Variants in RSU1 observed in about 807,000 individuals in gnomAD.
RSU1 encodes the protein rsu-1.
RSU1 carries 26 observed loss-of-function variants against 31.1 expected under a neutral mutation model. The ratio of observed to expected loss-of-function variants is 0.84; its 90% CI spans 0.61 to 1.16. RSU1 has a LOEUF of 1.16. Ranked by LOEUF, RSU1 falls within the 50% of genes most tolerant of loss-of-function variation. The pLI is 0.00. For synonymous variants in RSU1, 164 were observed against 136.3 expected (o/e 1.20, Z -1.41); for missense variants, 320 against 339.1 (o/e 0.94, Z 0.44).
intron 4 of RSU1, among the ~76,000 whole-genome samples, chr10:16,761,366 T>A (rs117319785): frequency 6.6e-6 from 1 of 152,222 alleles, no homozygotes; most frequent in Admixed American, 6.5e-5. Context: ...CAGGGCTGGA[T>A]GGCCAGCAGC....
chr10:16,754,510 T>C (rs1168692537), intron 5 of RSU1, among the ~76,000 whole-genome samples: 1 of 151,618 alleles, frequency 6.6e-6, no homozygotes, highest in African/African-American at 2.4e-5. Flanking sequence ...CCTGGGCAAA[T>C]ATCCTACAAA....
chr10:16,646,085 C>CAT (rs1487917330), intron 8 of RSU1, among the ~76,000 whole-genome samples: 2 of 128,642 alleles, frequency 1.6e-5, no homozygotes. Flanking sequence ...CACACACACA[C>CAT]ACACATACAT....
intron 2 of RSU1, among the ~76,000 whole-genome samples, 169 bp downstream of exon 2, chr10:16,816,804 G>A (rs1361744999): frequency 6.6e-6 from 1 of 152,212 alleles, no homozygotes; most frequent in African/African-American, 2.4e-5. Flanking sequence ...AGGTGGAACA[G>A]AACAAATCCT....
intron 7 of RSU1, among the ~76,000 whole-genome samples, chr10:16,752,303 T>C (rs1836994877): frequency 6.6e-6 from 1 of 152,158 alleles, no homozygotes; most frequent in Admixed American, 6.5e-5. Flanking sequence ...CGGGGTCATC[T>C]TTCATCAGCA....
intron 8 of RSU1, among the ~76,000 whole-genome samples, chr10:16,620,925 A>C (rs1032808227): frequency 4.6e-5 from 7 of 152,318 alleles, no homozygotes; most frequent in African/African-American, 1.4e-4. Flanking sequence ...CATTTTGAAC[A>C]ACAATGCAAA....
intron 8 of RSU1, among the ~76,000 whole-genome samples, chr10:16,595,958 ACT>A (rs1439420768): frequency 4.0e-5 from 6 of 150,706 alleles, no homozygotes; most frequent in East Asian, 2.0e-4. Flanking sequence ...ACAGAGTGAG[ACT>A]CTGTCTCAGA....
At chr10:16,702,842 T>C (rs1047547319) in intron 7 of RSU1, among the ~76,000 whole-genome samples, 1 of 152,084 alleles carries the variant, frequency 6.6e-6, no homozygotes, top group African/African-American at 2.4e-5. Context: ...GAATACAAGA[T>C]TTGGAGGGGC....
intron 8 of RSU1, among the ~76,000 whole-genome samples, chr10:16,608,267 G>T (rs1040174168): frequency 6.6e-6 from 1 of 152,162 alleles, no homozygotes. Context: ...CAGCACTTTC[G>T]GAGCCTGAGG....
intron 1 of RSU1, 109 bp from the exon 2 acceptor site, chr10:16,817,193 G>A: frequency 1.4e-6 from 1 of 736,770 alleles, no homozygotes; most frequent in South Asian, 1.5e-5. Flanking sequence ...GGAGCGGGTG[G>A]GCGTCCGAGG....
chr10:16,734,205 C>G (rs1168203234), intron 7 of RSU1, among the ~76,000 whole-genome samples: 1 of 152,232 alleles, frequency 6.6e-6, no homozygotes. Flanking sequence ...AAAGCCAACA[C>G]CTCTTTAAAG....
intron 3 of RSU1, among the ~76,000 whole-genome samples, chr10:16,776,319 T>C (rs1355519530): frequency 6.6e-6 from 1 of 152,222 alleles, no homozygotes; most frequent in Admixed American, 6.5e-5. Flanking sequence ...TTATGGTAGA[T>C]AATCAATGTA....
intron 8 of RSU1, among the ~76,000 whole-genome samples, chr10:16,690,449 T>C (rs890960608): frequency 6.6e-5 from 10 of 152,140 alleles, no homozygotes; most frequent in Admixed American, 2.6e-4. Context: ...GGGCCGTGAT[T>C]AATGCCCAGA....
At chr10:16,698,677 T>C (rs1328309675) in intron 7 of RSU1, among the ~76,000 whole-genome samples, 3 of 152,112 alleles carry the variant, frequency 2.0e-5, no homozygotes, top group Non-Finnish European at 4.4e-5. Flanking sequence ...GCATCACAGA[T>C]TGCTAATGAT....
chr10:16,810,003 G>GGGGGGGGGGGGA (rs1838374626), intron 2 of RSU1, among the ~76,000 whole-genome samples: 1 of 144,082 alleles, frequency 6.9e-6, no homozygotes, highest in Non-Finnish European at 1.5e-5. Flanking sequence ...GGGGGGGGGA[G>GGGGGGGGGGGGA]GTGAATCACC....
chr10:16,711,064 A>G lies in RSU1; in HGVS notation c.599-15909T>C, dbSNP rs567039555. Among the ~76,000 whole-genome samples, 5 of 152,308 alleles carry G rather than the reference A, an allele frequency of 3.3e-5. No homozygotes were observed. The East Asian group carries it at 9.6e-4, about 29-fold the overall frequency. ...GTGCCACATTTTCTCTATCCAGGAA[A>G]GACTTTTTATAACTAATTGTCTCAC... is the stretch of plus-strand genomic sequence containing the variant. On this transcript the variant is annotated intron_variant, in intron 7 of 8. Transcript: ENST00000345264.
intron 8 of RSU1, among the ~76,000 whole-genome samples, chr10:16,600,717 A>G (rs757847178): frequency 7.2e-5 from 11 of 151,930 alleles, no homozygotes; most frequent in Non-Finnish European, 1.6e-4. Context: ...GCAGATCACC[A>G]TGCCCAGCTT....
At chr10:16,720,327 C>G (rs935157476) in intron 7 of RSU1, among the ~76,000 whole-genome samples, 1 of 152,134 alleles carries the variant, frequency 6.6e-6, no homozygotes, top group African/African-American at 2.4e-5. Context: ...ATCTATATCT[C>G]AGAAATAATT....
intron 8 of RSU1, among the ~76,000 whole-genome samples, chr10:16,677,586 G>T (rs923222323): frequency 3.3e-5 from 5 of 151,990 alleles, no homozygotes; most frequent in Non-Finnish European, 5.9e-5. Flanking sequence ...CCTGCAAGGA[G>T]CTGTTTCCCC....
chr10:16,755,749 T>C (rs1258141829), intron 4 of RSU1, among the ~76,000 whole-genome samples: 2 of 152,196 alleles, frequency 1.3e-5, no homozygotes, highest in East Asian at 3.9e-4. Flanking sequence ...ATCTCTGCAA[T>C]TCCCCTCTCC....
Sources: gnomAD v4.1 joint callset for allele counts (sites outside exome capture counted in the v4.1 genomes callset) on GRCh38, gnomAD v4.1.1 for gene constraint, MANE v1.5 for transcripts, NCBI Gene and HGNC (gene_info 2026-07-23, HGNC 2026-07-21) for gene names.